Variants in OPCML observed in about 807,000 individuals in gnomAD.
OPCML encodes the protein opioid-binding protein/cell adhesion molecule.
In OPCML, 13 loss-of-function variants were observed where a neutral mutation model predicts 37.8. That is an observed-to-expected ratio of 0.34 (90% CI 0.22 to 0.55). The LOEUF (loss-of-function observed/expected upper bound fraction) is 0.55. Ranked by LOEUF, OPCML falls within the 20% of genes least tolerant of loss-of-function variation. The pLI is 0.91. For synonymous variants in OPCML, 176 were observed against 168.8 expected, an observed-to-expected ratio of 1.04 and a Z score of -0.33; for missense variants, 341 against 435.6, an observed-to-expected ratio of 0.78 and a Z score of 1.93.
At chr11:133,106,839 T>G (rs1949166189) in intron 1 of OPCML, among the ~76,000 whole-genome samples, 1 of 152,202 alleles carries the variant, frequency 6.6e-6, no homozygotes, top group South Asian at 2.1e-4. Context: ...CTGCTGTCAT[T>G]CCCCTCGCCT....
At chr11:133,014,674 C>G (rs930682373) in intron 1 of OPCML, among the ~76,000 whole-genome samples, 1 of 152,246 alleles carries the variant, frequency 6.6e-6, no homozygotes, top group Admixed American at 6.5e-5. Context: ...CCTGGGGAGA[C>G]AAGCTGCAAG....
intron 2 of OPCML, among the ~76,000 whole-genome samples, chr11:132,898,846 C>T (rs552074789): frequency 2.0e-5 from 3 of 151,682 alleles, no homozygotes; most frequent in African/African-American, 7.3e-5. Flanking sequence ...CTGCCCCCCC[C>T]ACCCCCGCAG....
At chr11:133,099,638 T>C (rs1949058047) in intron 1 of OPCML, among the ~76,000 whole-genome samples, 1 of 152,096 alleles carries the variant, frequency 6.6e-6, no homozygotes, top group East Asian at 1.9e-4. Context: ...TAACTCATTG[T>C]GGTTTTGATT....
chr11:133,095,856 T>C (rs561787830), intron 1 of OPCML, among the ~76,000 whole-genome samples: 1 of 151,908 alleles, frequency 6.6e-6, no homozygotes, highest in Non-Finnish European at 1.5e-5. Flanking sequence ...AAGAATTCTG[T>C]ACCCTAAGAA....
At chr11:133,472,474 G>A (rs917171658) in intron 1 of OPCML, among the ~76,000 whole-genome samples, 1 of 151,836 alleles carries the variant, frequency 6.6e-6, no homozygotes, top group Non-Finnish European at 1.5e-5. Context: ...ATCATGAACG[G>A]AATAGCTCTT....
intron 1 of OPCML, among the ~76,000 whole-genome samples, chr11:133,290,210 C>T (rs1218010280): frequency 6.6e-6 from 1 of 152,122 alleles, no homozygotes; most frequent in Non-Finnish European, 1.5e-5. Context: ...CCCTGGCATT[C>T]AGGTGTATCT....
chr11:133,341,133 T>A (rs1943860356), intron 1 of OPCML, among the ~76,000 whole-genome samples: 1 of 152,152 alleles, frequency 6.6e-6, no homozygotes, highest in Admixed American at 6.5e-5. Flanking sequence ...TTCCATTCAT[T>A]CCTGAATCCC....
intron 1 of OPCML, among the ~76,000 whole-genome samples, chr11:133,398,465 G>C (rs565841140): frequency 6.6e-6 from 1 of 152,252 alleles, no homozygotes; most frequent in African/African-American, 2.4e-5. Context: ...TCACAGCAGG[G>C]ACCCAGTTAA....
intron 2 of OPCML, among the ~76,000 whole-genome samples, chr11:132,835,020 G>A (rs1379724486): frequency 4.0e-5 from 6 of 151,468 alleles, no homozygotes; most frequent in African/African-American, 1.5e-4. Flanking sequence ...AAAGGAGGGG[G>A]ACCACCAGCT....
chr11:133,481,444 A>AAAATAAATAAATAAATAAAT (rs373209430), intron 1 of OPCML, among the ~76,000 whole-genome samples: 1 of 150,108 alleles, frequency 6.7e-6, no homozygotes, highest in African/African-American at 2.5e-5. Context: ...CCCAGTTAAA[A>AAAATAAATAAATAAATAAAT]AAATAAATAA....
At chr11:132,920,345 T>G (rs1222904691) in intron 2 of OPCML, among the ~76,000 whole-genome samples, 1 of 152,232 alleles carries the variant, frequency 6.6e-6, no homozygotes, top group African/African-American at 2.4e-5. Context: ...TCCCACCTCC[T>G]GGTGCAGCTT....
At chr11:132,934,468 A>C (rs1412025418) in intron 2 of OPCML, among the ~76,000 whole-genome samples, 1 of 152,210 alleles carries the variant, frequency 6.6e-6, no homozygotes, top group Non-Finnish European at 1.5e-5. Context: ...GGTGCTGGAC[A>C]TCAGGTTATG....
At position 132,573,403 on chromosome 11, in the gene OPCML, A is replaced by C. The variant is rs562391280; in HGVS notation, c.380-44217T>G. On this transcript the variant is annotated intron_variant, in intron 3 of 7. Transcript: ENST00000524381. ...AGGCTTTTCATATATGACTTTTATC[A>C]TGTTGATATATTTTCCTTCTTTTCT... Among the ~76,000 whole-genome samples the C allele has an allele frequency of 4.6e-4, 70 of 152,030 alleles. 1 individual carries two copies. The highest frequency in any genetic ancestry group is 1.7e-3 in the South Asian group (8 of 4,830).
intron 1 of OPCML, among the ~76,000 whole-genome samples, chr11:133,317,159 T>G (rs1233318189): frequency 6.6e-6 from 1 of 152,190 alleles, no homozygotes; most frequent in African/African-American, 2.4e-5. Flanking sequence ...ATCACACTGC[T>G]GCACTCCAGC....
At chr11:132,987,843 T>A (rs1446195101) in intron 1 of OPCML, among the ~76,000 whole-genome samples, 1 of 152,224 alleles carries the variant, frequency 6.6e-6, no homozygotes, top group Non-Finnish European at 1.5e-5. Context: ...TGTCAAGGAA[T>A]GCTCAAATTT....
At chr11:132,720,856 A>G in intron 2 of OPCML, among the ~76,000 whole-genome samples, 1 of 152,212 alleles carries the variant, frequency 6.6e-6, no homozygotes, top group African/African-American at 2.4e-5. Context: ...TTTCATAACT[A>G]CAATTCAACA....
At chr11:133,153,489 C>T (rs140490231) in intron 1 of OPCML, among the ~76,000 whole-genome samples, 2,151 of 152,250 alleles carry the variant, frequency 0.014, 27 homozygotes, top group Non-Finnish European at 0.023. Flanking sequence ...GCCTTGGAAC[C>T]CATCTTAGCT....
At chr11:133,207,095 G>A (rs1295679695) in intron 1 of OPCML, among the ~76,000 whole-genome samples, 1 of 147,884 alleles carries the variant, frequency 6.8e-6, no homozygotes, top group Non-Finnish European at 1.5e-5. Context: ...AGACCATCCT[G>A]GCTAACACGG....
chr11:133,154,591 AAC>A (rs138725408), intron 1 of OPCML, among the ~76,000 whole-genome samples: 17,719 of 152,144 alleles, frequency 0.12, 1,119 homozygotes, highest in Middle Eastern at 0.13. Context: ...AGTAAAAAAA[AAC>A]AGTATCTTAA....
Sources: gnomAD v4.1 joint callset for allele counts (sites outside exome capture counted in the v4.1 genomes callset) on GRCh38, gnomAD v4.1.1 for gene constraint, MANE v1.5 for transcripts, NCBI Gene and HGNC (gene_info 2026-07-23, HGNC 2026-07-21) for gene names.